ELF1: variants seen among roughly 807,000 people sequenced by gnomAD.
ELF1 encodes ETS-related transcription factor Elf-1.
A neutral mutation model predicts 59.9 loss-of-function variants in ELF1; 24 were observed. The observed-to-expected ratio is 0.40, with a 90% confidence interval of 0.29 to 0.56. The LOEUF (loss-of-function observed/expected upper bound fraction) is 0.56, where lower values mean the gene tolerates loss of function less well. Among genes scored for constraint, ELF1 ranks in the 20% least tolerant of loss-of-function variants. The pLI, the probability that ELF1 is intolerant of heterozygous loss-of-function variation, is 0.44. For missense variants in ELF1, 627 were observed against 742.2 expected, an observed-to-expected ratio of 0.84 and a Z score of 1.80; for synonymous variants, 248 against 266.2, an observed-to-expected ratio of 0.93 and a Z score of 0.67.
At chr13:41,034,406 T>C (rs980187944) in intron 1 of ELF1, among the ~76,000 whole-genome samples, 3 of 152,222 alleles carry the variant, frequency 2.0e-5, no homozygotes, top group Non-Finnish European at 2.9e-5. Flanking sequence ...GGACACTGGA[T>C]AAAAAATATA....
intron 1 of ELF1, among the ~76,000 whole-genome samples, chr13:41,032,193 C>T (rs1876192804): frequency 6.6e-6 from 1 of 151,160 alleles, no homozygotes; most frequent in Non-Finnish European, 1.5e-5. Flanking sequence ...AATGCCTCTC[C>T]ATTTTTATTT....
intron 1 of ELF1, among the ~76,000 whole-genome samples, chr13:41,047,482 G>A (rs540282229): frequency 6.6e-6 from 1 of 152,230 alleles, no homozygotes; most frequent in Non-Finnish European, 1.5e-5. Context: ...CTGTTTGTTA[G>A]TTTTCCTTCT....
intron 2 of ELF1, among the ~76,000 whole-genome samples, chr13:40,961,474 C>A (rs1002644498): frequency 6.6e-6 from 1 of 152,186 alleles, no homozygotes; most frequent in East Asian, 1.9e-4. Context: ...ATGGCTTGAG[C>A]CCAGGAGTTC....
chr13:41,047,071 G>T (rs773733563), intron 1 of ELF1, among the ~76,000 whole-genome samples: 2 of 151,982 alleles, frequency 1.3e-5, no homozygotes, highest in Non-Finnish European at 2.9e-5. Context: ...TGATCAAATC[G>T]GCTACTGAAG....
intron 8 of ELF1, 67 bp downstream of exon 8, chr13:40,940,854 T>C: frequency 6.7e-7 from 1 of 1,484,532 alleles, no homozygotes; most frequent in East Asian, 2.3e-5. Flanking sequence ...CTTGACCCAC[T>C]TAACAAATAA....
intron 8 of ELF1, among the ~76,000 whole-genome samples, chr13:40,940,327 T>C (rs1870049573): frequency 1.4e-5 from 2 of 143,964 alleles, no homozygotes; most frequent in Admixed American, 7.1e-5. Flanking sequence ...ACAGATCCTC[T>C]CAGTCAATTT....
chr13:41,050,987 T>G (rs1247706748), intron 1 of ELF1, among the ~76,000 whole-genome samples: 1 of 152,246 alleles, frequency 6.6e-6, no homozygotes, highest in Non-Finnish European at 1.5e-5. Flanking sequence ...TTCTGCTTTG[T>G]TTTGTTTTAA....
At chr13:40,961,766 C>T (rs1566173133) in intron 2 of ELF1, among the ~76,000 whole-genome samples, 1 of 152,156 alleles carries the variant, frequency 6.6e-6, no homozygotes, top group Non-Finnish European at 1.5e-5. Context: ...TCCTGGTCTT[C>T]TAACAAGGCT....
intron 1 of ELF1, among the ~76,000 whole-genome samples, chr13:41,055,158 C>G: frequency 6.6e-6 from 1 of 152,208 alleles, no homozygotes; most frequent in Non-Finnish European, 1.5e-5. Flanking sequence ...TCCCCAGACA[C>G]TTCCAGCTCT....
intron 1 of ELF1, among the ~76,000 whole-genome samples, chr13:41,000,917 C>T (rs1874396107): frequency 6.6e-6 from 1 of 151,254 alleles, no homozygotes; most frequent in Non-Finnish European, 1.5e-5. Flanking sequence ...AAGAAATCTA[C>T]AGATTCAATG....
intron 8 of ELF1, among the ~76,000 whole-genome samples, chr13:40,938,045 G>A (rs1038662965): frequency 6.6e-6 from 1 of 151,164 alleles, no homozygotes; most frequent in African/African-American, 2.4e-5. Flanking sequence ...TCAAACTCCC[G>A]ACCTCAGGTG....
intron 1 of ELF1, among the ~76,000 whole-genome samples, chr13:41,059,946 C>G (rs927025105): frequency 6.6e-6 from 1 of 152,188 alleles, no homozygotes; most frequent in Non-Finnish European, 1.5e-5. Flanking sequence ...TTAAAGCCAT[C>G]TCATCAGAGT....
At chr13:40,945,724 C>T (rs1420383198) in intron 5 of ELF1, among the ~76,000 whole-genome samples, 1 of 152,174 alleles carries the variant, frequency 6.6e-6, no homozygotes, top group South Asian at 2.1e-4. Context: ...TCATTTAATT[C>T]TCCATGTCTG....
At chr13:40,988,102 T>C (rs181930026) in intron 1 of ELF1, among the ~76,000 whole-genome samples, 45 of 152,324 alleles carry the variant, frequency 3.0e-4, no homozygotes, top group Non-Finnish European at 4.7e-4. Flanking sequence ...TTTTCTATTA[T>C]AACATGGTAG....
chr13:41,007,892 T>A (rs1358933250), intron 1 of ELF1, among the ~76,000 whole-genome samples: 1 of 152,154 alleles, frequency 6.6e-6, no homozygotes, highest in South Asian at 2.1e-4. Flanking sequence ...GGCAAGGTAT[T>A]ATTTGGCTTT....
intron 2 of ELF1, among the ~76,000 whole-genome samples, chr13:40,969,370 T>C (rs1872382709): frequency 6.6e-6 from 1 of 152,224 alleles, no homozygotes; most frequent in Non-Finnish European, 1.5e-5. Flanking sequence ...CAAGTGGCAC[T>C]TTACAGTTGT....
chr13:41,032,874 AG>A (rs1296356061), intron 1 of ELF1, among the ~76,000 whole-genome samples: 1 of 151,674 alleles, frequency 6.6e-6, no homozygotes, highest in African/African-American at 2.4e-5. Flanking sequence ...AACAAACCAA[AG>A]AAAAAACTTA....
intron 1 of ELF1, among the ~76,000 whole-genome samples, chr13:40,995,180 A>G (rs900062482): frequency 6.6e-6 from 1 of 152,206 alleles, no homozygotes; most frequent in African/African-American, 2.4e-5. Flanking sequence ...GCTCTTTCAT[A>G]TATTTATTTG....
At chr13:40,955,787 C>T (rs1304253033) in intron 3 of ELF1, among the ~76,000 whole-genome samples, 7 of 52,270 alleles carry the variant, frequency 1.3e-4, no homozygotes, top group African/African-American at 8.8e-4. Context: ...GGGTCAGCCC[C>T]CCGCCCGGCC....
Sources: gnomAD v4.1 joint callset for allele counts (sites outside exome capture counted in the v4.1 genomes callset) on GRCh38, gnomAD v4.1.1 for gene constraint, MANE v1.5 for transcripts, NCBI Gene and HGNC (gene_info 2026-07-23, HGNC 2026-07-21) for gene names.